The following SLC2A9 variants were observed in gnomAD, a reference collection of about 807,000 sequenced individuals.
SLC2A9 encodes solute carrier family 2 member 9.
A neutral mutation model predicts 50.6 loss-of-function variants in SLC2A9; 39 were observed. That is an observed-to-expected ratio of 0.77 (90% CI 0.60 to 1.01). The LOEUF (loss-of-function observed/expected upper bound fraction) is 1.01. SLC2A9 is among the 50% of genes least tolerant of loss of function. The pLI is 0.00. For synonymous variants in SLC2A9, 324 were observed against 276.9 expected, an observed-to-expected ratio of 1.17 and a Z score of -1.69; for missense variants, 686 against 677.6, an observed-to-expected ratio of 1.01 and a Z score of -0.14.
chr4:9,870,011 C>T (rs1050108118), intron 10 of SLC2A9, among the ~76,000 whole-genome samples: 7 of 152,208 alleles, frequency 4.6e-5, no homozygotes, highest in African/African-American at 7.2e-5. Context: ...TTTTGGGATG[C>T]ACACATAGGG....
intron 10 of SLC2A9, among the ~76,000 whole-genome samples, chr4:9,838,928 G>T (rs190972792): frequency 2.0e-5 from 3 of 151,920 alleles, no homozygotes; most frequent in Non-Finnish European, 4.4e-5. Context: ...AATACCATTC[G>T]GCAAATAGGC....
intron 3 of SLC2A9, among the ~76,000 whole-genome samples, chr4:9,992,226 C>T (rs1162346697): frequency 6.6e-6 from 1 of 152,058 alleles, no homozygotes; most frequent in African/African-American, 2.4e-5. Context: ...TGGTACAGGC[C>T]TGGCCAGTCA....
chr4:9,896,145 G>A (rs181672545), intron 8 of SLC2A9, among the ~76,000 whole-genome samples: 24 of 152,328 alleles, frequency 1.6e-4, no homozygotes, highest in African/African-American at 5.3e-4. Flanking sequence ...TGACTGAGTT[G>A]GATGGGTAAA....
intron 3 of SLC2A9, among the ~76,000 whole-genome samples, chr4:9,801,965 ACTCC>A (rs1721467623): frequency 6.6e-6 from 1 of 151,990 alleles, no homozygotes; most frequent in South Asian, 2.1e-4. Flanking sequence ...CAAAAGATGG[ACTCC>A]CAGCTGATTG....
intron 10 of SLC2A9, chr4:9,879,475 AG>A (rs1343460963): frequency 1.0e-6 from 1 of 985,004 alleles, no homozygotes; most frequent in Non-Finnish European, 1.2e-6. Context: ...CGGGATAGAG[AG>A]GGAGGGCAGG....
At chr4:9,771,926 G>A (rs1024748051) in intron 1 of SLC2A9, among the ~76,000 whole-genome samples, 4 of 152,244 alleles carry the variant, frequency 2.6e-5, no homozygotes, top group African/African-American at 9.6e-5. Flanking sequence ...GCGTTGGAAT[G>A]GGTGGAAGAG....
chr4:10,000,192 CGAT>C (rs1164510279), intron 2 of SLC2A9, among the ~76,000 whole-genome samples: 1 of 152,158 alleles, frequency 6.6e-6, no homozygotes, highest in Non-Finnish European at 1.5e-5. Flanking sequence ...CTATTTCTAT[CGAT>C]GATGAAGTTT....
rs550279708 is a variant in SLC2A9, at chr4:9,963,824, C to T, written c.681+16768G>A. On this transcript the variant is annotated intron_variant, in intron 5 of 11. Transcript: ENST00000264784. ...TTGTGTGTGCAAGAATCACATCCAG[C>T]GAGTCTGATAAACAATGAAGATTCT... 5.9e-5 allele frequency among the ~76,000 whole-genome samples: 9 copies of T among 152,288 alleles called. No individual in the cohort carries two copies. The South Asian group carries it at 1.5e-3, about 25-fold the overall frequency.
At chr4:9,835,714 T>C (rs1726942987) in intron 10 of SLC2A9, among the ~76,000 whole-genome samples, 1 of 151,690 alleles carries the variant, frequency 6.6e-6, no homozygotes, top group African/African-American at 2.4e-5. Context: ...TGGGAGTGAG[T>C]CCAGGAATGG....
At chr4:9,996,974 T>C in intron 2 of SLC2A9, 33 bp from the exon 3 acceptor site, 1 of 1,612,442 alleles carries the variant, frequency 6.2e-7, no homozygotes, top group South Asian at 1.1e-5. Context: ...GTTATTTCCT[T>C]CTGTTCTCTC....
At chr4:9,952,400 G>T (rs546956211) in intron 5 of SLC2A9, among the ~76,000 whole-genome samples, 4 of 152,128 alleles carry the variant, frequency 2.6e-5, no homozygotes, top group African/African-American at 9.6e-5. Context: ...TTCTGCTTTT[G>T]CCAGGTGATG....
intron 3 of SLC2A9, among the ~76,000 whole-genome samples, chr4:9,814,966 G>C (rs1201918050): frequency 1.3e-5 from 2 of 152,024 alleles, no homozygotes; most frequent in African/African-American, 4.8e-5. Context: ...TAGGGAAACA[G>C]ATCAGAGTCA....
downstream of SLC2A9, among the ~76,000 whole-genome samples, chr4:9,823,636 C>A (rs555252147): frequency 1.3e-5 from 2 of 152,126 alleles, no homozygotes; most frequent in South Asian, 4.2e-4. Flanking sequence ...GAAAGTAATA[C>A]AATATTAAGG....
downstream of SLC2A9, among the ~76,000 whole-genome samples, chr4:9,822,692 G>A (rs531209940): frequency 1.3e-5 from 2 of 152,242 alleles, no homozygotes; most frequent in African/African-American, 2.4e-5. Context: ...AGTCTCTTCT[G>A]GCTTATTTGG....
intron 9 of SLC2A9, among the ~76,000 whole-genome samples, chr4:9,889,732 T>C (rs1004513205): frequency 6.6e-6 from 1 of 152,176 alleles, no homozygotes; most frequent in Non-Finnish European, 1.5e-5. Context: ...TTTTGAAAAA[T>C]GCAAAGATTA....
intron 4 of SLC2A9, among the ~76,000 whole-genome samples, chr4:9,981,452 A>C (rs1273680975): frequency 6.6e-6 from 1 of 152,150 alleles, no homozygotes; most frequent in Non-Finnish European, 1.5e-5. Context: ...AACGTTATTT[A>C]CTTTTAACAA....
intron 10 of SLC2A9, among the ~76,000 whole-genome samples, chr4:9,885,199 A>C (rs1018701639): frequency 1.3e-5 from 2 of 152,144 alleles, no homozygotes; most frequent in African/African-American, 4.8e-5. Flanking sequence ...CATGTATCCC[A>C]TGAAAAAAAA....
chr4:9,949,846 A>C (rs911093780), intron 5 of SLC2A9, among the ~76,000 whole-genome samples: 4 of 152,172 alleles, frequency 2.6e-5, no homozygotes, highest in African/African-American at 9.7e-5. Flanking sequence ...TGAAGCCTGC[A>C]CTCACATTCC....
At chr4:10,032,406 C>T (rs1019937342) in intron 1 of SLC2A9, among the ~76,000 whole-genome samples, 15 of 151,890 alleles carry the variant, frequency 9.9e-5, no homozygotes, top group Non-Finnish European at 2.1e-4. Flanking sequence ...TGTCTTGTGA[C>T]GTGGTTAGGG....
Sources: allele counts gnomAD v4.1 joint callset (sites outside exome capture counted in the v4.1 genomes callset), GRCh38; gene constraint gnomAD v4.1.1; transcripts MANE v1.5; gene names NCBI Gene and HGNC (gene_info 2026-07-23, HGNC 2026-07-21).